UBR1: variants seen among roughly 807,000 people sequenced by gnomAD.
The protein encoded by UBR1 is E3 ubiquitin-protein ligase UBR1.
UBR1 carries 102 observed loss-of-function variants against 242.1 expected under a neutral mutation model. The ratio of observed to expected loss-of-function variants is 0.42; its 90% CI spans 0.36 to 0.50. The LOEUF (loss-of-function observed/expected upper bound fraction) is 0.50, where lower values mean the gene tolerates loss of function less well. UBR1 is among the 20% of genes least tolerant of loss of function. The probability of loss-of-function intolerance (pLI) is 0.01; values close to 1 mark genes in which losing one functional copy is unlikely to be tolerated. For missense variants in UBR1, 1,772 were observed against 2,101.8 expected (o/e 0.84, Z 3.07); for synonymous variants, 675 against 684.8 (o/e 0.99, Z 0.22).
At chr15:43,072,103 C>T (rs2033830858) in intron 4 of UBR1, among the ~76,000 whole-genome samples, 1 of 152,182 alleles carries the variant, frequency 6.6e-6, no homozygotes, top group Admixed American at 6.5e-5. Context: ...CCACCCACTT[C>T]AGCCTCCCAA....
intron 41 of UBR1, among the ~76,000 whole-genome samples, 157 bp downstream of exon 41, chr15:42,965,995 TA>T (rs2141258986): frequency 6.6e-6 from 1 of 152,122 alleles, no homozygotes; most frequent in South Asian, 2.1e-4. Context: ...GCCTCACCTT[TA>T]ACCTACACCA....
chr15:43,010,243 T>C (rs1054836598), intron 29 of UBR1, among the ~76,000 whole-genome samples: 1 of 152,056 alleles, frequency 6.6e-6, no homozygotes, highest in Non-Finnish European at 1.5e-5. Flanking sequence ...TAGCAATAAA[T>C]TATGAAAGGT....
intron 15 of UBR1, 97 bp downstream of exon 15, chr15:43,043,118 A>G: frequency 1.5e-6 from 2 of 1,350,524 alleles, no homozygotes; most frequent in Non-Finnish European, 2.1e-6. Flanking sequence ...ATGTCTGTAC[A>G]TATTGAGCAC....
At chr15:43,057,067 C>T (rs2033627856) in intron 10 of UBR1, among the ~76,000 whole-genome samples, 1 of 152,078 alleles carries the variant, frequency 6.6e-6, no homozygotes. Flanking sequence ...ACTTTACCCT[C>T]CAGAATTCCT....
chr15:42,964,053 A>G lies in UBR1; in HGVS notation c.4592-10T>C, dbSNP rs2032066098. On this transcript the variant is annotated splice_polypyrimidine_tract_variant and intron_variant, in intron 41 of 46. Coordinates refer to ENST00000290650, the MANE Select transcript of UBR1 (RefSeq NM_174916.3). ...TCTCCTTCTGCAGAATCTGCAAGAG[A>G]ATAAAAATACATTTAATAAGCACAT... 1.3e-6 allele frequency: 2 copies of G among 1,567,050 alleles called. No homozygotes were observed. The highest frequency in any genetic ancestry group is 4.5e-5 in the East Asian group (2 of 44,578).
intron 19 of UBR1, among the ~76,000 whole-genome samples, chr15:43,032,987 G>T (rs188924413): frequency 2.0e-5 from 3 of 152,166 alleles, no homozygotes; most frequent in Non-Finnish European, 4.4e-5. Flanking sequence ...GTTATATGGT[G>T]AGAGTATCCT....
chr15:43,021,219 C>G (rs758097504), intron 27 of UBR1, 56 bp downstream of exon 27: 3 of 1,460,058 alleles, frequency 2.1e-6, no homozygotes, highest in South Asian at 2.3e-5. Context: ...TGGAGGCAAG[C>G]AGAGAATTCT....
intron 3 of UBR1, among the ~76,000 whole-genome samples, chr15:43,081,349 G>A (rs755747955): frequency 2.0e-5 from 3 of 150,808 alleles, no homozygotes; most frequent in African/African-American, 4.9e-5. Context: ...GCCAGGAGGC[G>A]GACGTTGTGG....
At chr15:42,960,231 C>T (rs1466012043) in intron 43 of UBR1, among the ~76,000 whole-genome samples, 1 of 151,836 alleles carries the variant, frequency 6.6e-6, no homozygotes, top group Non-Finnish European at 1.5e-5. Flanking sequence ...TCTAAGGACA[C>T]AGGAAGGAAA....
chr15:42,986,974 G>A (rs1011109243), intron 35 of UBR1, among the ~76,000 whole-genome samples: 7 of 152,214 alleles, frequency 4.6e-5, no homozygotes, highest in Non-Finnish European at 7.3e-5. Context: ...GCAGGAAGCC[G>A]CCAGCCCACT....
At chr15:42,953,552 C>T (rs2031868452) in intron 44 of UBR1, among the ~76,000 whole-genome samples, 1 of 152,192 alleles carries the variant, frequency 6.6e-6, no homozygotes, top group African/African-American at 2.4e-5. Context: ...GGAGGTTGCT[C>T]CAGAACATAA....
intron 27 of UBR1, 121 bp from the exon 28 acceptor site, chr15:43,017,302 T>A: frequency 4.2e-6 from 3 of 708,766 alleles, no homozygotes; most frequent in Non-Finnish European, 4.9e-6. Context: ...TTAAACTATT[T>A]CAATATATGA....
intron 4 of UBR1, among the ~76,000 whole-genome samples, chr15:43,073,197 T>C (rs929638457): frequency 3.1e-4 from 47 of 152,268 alleles, no homozygotes; most frequent in African/African-American, 1.1e-3. Flanking sequence ...TATTATGCCA[T>C]ATCACTTCAT....
chr15:43,060,168 A>C, intron 6 of UBR1, 54 bp from the exon 7 acceptor site: 1 of 1,538,496 alleles, frequency 6.5e-7, no homozygotes, highest in East Asian at 2.2e-5. Flanking sequence ...CACAATCAAT[A>C]AGCAATATGT....
At position 42,987,476 on chromosome 15, in the gene UBR1, G is replaced by A. The variant is rs1310142322; in HGVS notation, c.3997+1343C>T. Among the ~76,000 whole-genome samples the A allele has an allele frequency of 2.6e-5, 4 of 152,340 alleles. No homozygotes were observed. The East Asian group carries it at 7.7e-4, about 29-fold the overall frequency. On this transcript the variant is annotated intron_variant, in intron 35 of 46. Coordinates refer to ENST00000290650, the MANE Select transcript of UBR1 (RefSeq NM_174916.3). ...CACGCCTGTAATCCCAGCACTTTGG[G>A]AGGCTGAGGCGGGAGGATCACGAGG... is the stretch of plus-strand genomic sequence containing the variant.
At chr15:42,970,666 C>T in intron 39 of UBR1, 59 bp from the exon 40 acceptor site, 1 of 1,439,440 alleles carries the variant, frequency 6.9e-7, no homozygotes, top group African/African-American at 1.4e-5. Flanking sequence ...ACAAATTAGA[C>T]TTTAATTTCA....
rs1227628815 is a variant in UBR1 at position 42,983,926 on chromosome 15, A to T, written c.4121T>A (p.Ile1374Lys). Residue 1374 changes from isoleucine to lysine, a missense_variant, in exon 37 of 47, where the codon ATA becomes AAA. Around this residue, in one of 3 missense-constraint regions of UBR1, gnomAD observed 965 missense variants for 1,079.7 expected, o/e 0.89. Coordinates refer to ENST00000290650, the MANE Select transcript of UBR1 (RefSeq NM_174916.3). ...TAGAAGACGAACCAGATGTTTCTGT[A>T]TCAGGACCTGAGGACAGGTAATCCT... ...AQRITCPQVLIQKHLVRLLSV... is the reference protein window; with the variant it reads ...AQRITCPQVLKQKHLVRLLSV... 1 of 1,613,138 alleles carries T rather than the reference A, an allele frequency of 6.2e-7. No individual in the cohort carries two copies. The highest frequency in any genetic ancestry group is 8.5e-7 in the Non-Finnish European group (1 of 1,179,544).
At chr15:43,038,506 A>G (rs1329631510) in intron 15 of UBR1, among the ~76,000 whole-genome samples, 2 of 152,150 alleles carry the variant, frequency 1.3e-5, no homozygotes, top group Non-Finnish European at 1.5e-5. Context: ...AGGCAGGAGA[A>G]TCGCTTGAAC....
chr15:43,002,538 C>T lies in UBR1; in HGVS notation c.3659+17G>A, dbSNP rs746859129. The stretch of plus-strand genomic sequence containing the variant: ...CCAACTTTTAAAAAATTAACCAAAA[C>T]ATAAATTAAAATATACCTGTTTATC... On this transcript the variant is annotated intron_variant, in intron 32 of 46. Transcript: ENST00000290650. The T allele has an allele frequency of 6.2e-7, 1 of 1,612,096 alleles. No individual in the cohort carries two copies. The highest frequency in any genetic ancestry group is 1.1e-5 in the South Asian group (1 of 90,884).
Sources: allele counts gnomAD v4.1 joint callset (sites outside exome capture counted in the v4.1 genomes callset), GRCh38; gene constraint gnomAD v4.1.1; regional missense constraint gnomAD v4.1.1; transcripts MANE v1.5; gene names NCBI Gene and HGNC (gene_info 2026-07-23, HGNC 2026-07-21).